The following ATRNL1 variants were observed in gnomAD, a reference collection of about 807,000 sequenced individuals.
ATRNL1 encodes the protein attractin-like protein 1.
Under a neutral mutation model 182.7 loss-of-function variants are expected in ATRNL1, and 95 were observed. That is an observed-to-expected ratio of 0.52 (90% CI 0.44 to 0.62). The LOEUF (loss-of-function observed/expected upper bound fraction) is 0.62, where lower values mean the gene tolerates loss of function less well. Ranked by LOEUF, ATRNL1 falls within the 20% of genes least tolerant of loss-of-function variation. The pLI is 0.00. For synonymous variants in ATRNL1, 576 were observed against 568.3 expected (o/e 1.01, Z -0.19); for missense variants, 1,471 against 1,679.5 (o/e 0.88, Z 2.17).
At chr10:115,885,183 G>A (rs557281958) in intron 28 of ATRNL1, among the ~76,000 whole-genome samples, 2 of 152,244 alleles carry the variant, frequency 1.3e-5, no homozygotes, top group South Asian at 4.1e-4. Context: ...TAAAATTTGT[G>A]TCTTATCAAA....
rs556456402 is a variant in ATRNL1, at chr10:115,498,559, T to C, written c.3655-20704T>C. 4.6e-5 allele frequency among the ~76,000 whole-genome samples: 7 copies of C among 152,174 alleles called. No homozygotes were observed. The East Asian group carries it at 1.4e-3, about 29-fold the overall frequency. ...TAATAAATCACCTTTGTAAGATTTTTCTTCTGGAAAGCACCTCACTGTTAC... is the reference window on the plus strand; with the variant it reads ...TAATAAATCACCTTTGTAAGATTTTCCTTCTGGAAAGCACCTCACTGTTAC... On this transcript the variant is annotated intron_variant, in intron 24 of 28. Transcript: ENST00000355044.
intron 26 of ATRNL1, among the ~76,000 whole-genome samples, chr10:115,604,273 C>A (rs1555016926): frequency 6.6e-6 from 1 of 152,014 alleles, no homozygotes; most frequent in African/African-American, 2.4e-5. Flanking sequence ...AGGTTTAATT[C>A]TTTTGAGGCT....
At chr10:115,721,207 A>G (rs558470750) in intron 26 of ATRNL1, among the ~76,000 whole-genome samples, 41 of 152,296 alleles carry the variant, frequency 2.7e-4, no homozygotes, top group South Asian at 2.3e-3. Flanking sequence ...TTATATAATC[A>G]GTGTTATCCA....
At chr10:115,926,723 C>A (rs1007595175) in intron 28 of ATRNL1, among the ~76,000 whole-genome samples, 1 of 152,076 alleles carries the variant, frequency 6.6e-6, no homozygotes, top group Admixed American at 6.6e-5. Context: ...GAAGTTGAAT[C>A]CCTGAATAGA....
chr10:115,335,839 A>T (rs756427652), intron 19 of ATRNL1, among the ~76,000 whole-genome samples: 8 of 149,674 alleles, frequency 5.3e-5, no homozygotes, highest in Non-Finnish European at 1.0e-4. Flanking sequence ...AATTTGGGGG[A>T]TTTTTTCTGA....
intron 26 of ATRNL1, among the ~76,000 whole-genome samples, chr10:115,723,070 A>G (rs528512501): frequency 5.3e-5 from 8 of 152,206 alleles, no homozygotes; most frequent in Admixed American, 4.6e-4. Flanking sequence ...TCAACTAAGT[A>G]TTGTGGGGAA....
intron 27 of ATRNL1, among the ~76,000 whole-genome samples, chr10:115,789,648 A>AT (rs1353746360): frequency 6.6e-6 from 1 of 152,040 alleles, no homozygotes; most frequent in African/African-American, 2.4e-5. Flanking sequence ...TGCCTTTGTC[A>AT]TTTTTTCCTA....
At chr10:115,712,777 A>C (rs1367718992) in intron 26 of ATRNL1, among the ~76,000 whole-genome samples, 1 of 151,956 alleles carries the variant, frequency 6.6e-6, no homozygotes, top group Non-Finnish European at 1.5e-5. Flanking sequence ...CTGAGGCACG[A>C]TGATCGCTTG....
In ATRNL1 at chr10:115,336,980, G is replaced by C. The variant is rs949530206; in HGVS notation, c.3175+2561G>C. Among the ~76,000 whole-genome samples the C allele has an allele frequency of 1.7e-3, 22 of 13,242 alleles. No individual in the cohort carries two copies. The East Asian group carries it at 0.093, about 56-fold the overall frequency. The allele number at this position is 13,242 out of a possible 152,430, so 8.7% of individuals were successfully genotyped here. ...CCTGCCTCAGCCTCCCAAGTAGCTG[G>C]GGGGGGGGGACTACAGGGGCCCGCC... On this transcript the variant is annotated intron_variant, in intron 19 of 28. Coordinates refer to ENST00000355044, the MANE Select transcript of ATRNL1 (RefSeq NM_207303.4).
chr10:115,801,679 G>C (rs781835198), intron 27 of ATRNL1, among the ~76,000 whole-genome samples: 1 of 152,088 alleles, frequency 6.6e-6, no homozygotes, highest in Non-Finnish European at 1.5e-5. Context: ...CTTTTTAGCT[G>C]TCTTTGTTAA....
At chr10:115,618,034 T>C (rs896834986) in intron 26 of ATRNL1, among the ~76,000 whole-genome samples, 4 of 151,944 alleles carry the variant, frequency 2.6e-5, no homozygotes, top group Non-Finnish European at 4.4e-5. Context: ...CCATCTCTCT[T>C]TCTCCTGTTT....
At chr10:115,759,492 G>A (rs1295823399) in intron 27 of ATRNL1, among the ~76,000 whole-genome samples, 1 of 152,092 alleles carries the variant, frequency 6.6e-6, no homozygotes, top group Admixed American at 6.6e-5. Context: ...CCCTGGGGGA[G>A]TGACCAGGGG....
rs1348696077 is a variant in ATRNL1 at position 115,800,937 on chromosome 10, A to C, written c.3904-46940A>C. 1.6e-4 allele frequency among the ~76,000 whole-genome samples: 25 copies of C among 152,252 alleles called. 1 individual carries two copies. The highest frequency in any genetic ancestry group is 1.6e-3 in the Admixed American group (25 of 15,290). Reference sequence around the variant, plus strand: ...GACACTGTGTTGTAGCAGTCAGAGCAGGTGAAAACTGTAACTTGTTATTCT... The same window carrying C: ...GACACTGTGTTGTAGCAGTCAGAGCCGGTGAAAACTGTAACTTGTTATTCT... On this transcript the variant is annotated intron_variant, in intron 27 of 28. Transcript: ENST00000355044.
intron 1 of ATRNL1, among the ~76,000 whole-genome samples, chr10:115,117,538 A>G (rs960096864): frequency 3.9e-5 from 6 of 152,060 alleles, no homozygotes; most frequent in African/African-American, 7.2e-5. Context: ...ACTGAATCAC[A>G]TTATTTTTAT....
intron 26 of ATRNL1, among the ~76,000 whole-genome samples, chr10:115,596,095 C>T (rs555333945): frequency 6.6e-6 from 1 of 152,148 alleles, no homozygotes; most frequent in African/African-American, 2.4e-5. Context: ...AAATGTGACG[C>T]CCAAATTATG....
intron 14 of ATRNL1, among the ~76,000 whole-genome samples, chr10:115,282,317 T>C (rs1852406076): frequency 6.6e-6 from 1 of 150,674 alleles, no homozygotes; most frequent in Admixed American, 6.6e-5. Flanking sequence ...TGCAGGTTAG[T>C]TACATATGTA....
chr10:115,205,782 T>A (rs1193929397), intron 8 of ATRNL1, among the ~76,000 whole-genome samples: 1 of 152,094 alleles, frequency 6.6e-6, no homozygotes, highest in African/African-American at 2.4e-5. Flanking sequence ...CTACCATTTC[T>A]TGTATATTTC....
chr10:115,240,500 C>T (rs1339346529), intron 9 of ATRNL1, among the ~76,000 whole-genome samples: 33 of 152,000 alleles, frequency 2.2e-4, no homozygotes, highest in Admixed American at 2.0e-3. Flanking sequence ...GTGATCCACC[C>T]GCCTTGGCCT....
chr10:115,162,729 C>T (rs576824191), intron 6 of ATRNL1, among the ~76,000 whole-genome samples: 1 of 149,636 alleles, frequency 6.7e-6, no homozygotes, highest in South Asian at 2.2e-4. Flanking sequence ...CCTGAGGCAC[C>T]ATATCACTAA....
Sources: gnomAD v4.1 joint callset for allele counts (sites outside exome capture counted in the v4.1 genomes callset) on GRCh38, gnomAD v4.1.1 for gene constraint, MANE v1.5 for transcripts, NCBI Gene and HGNC (gene_info 2026-07-23, HGNC 2026-07-21) for gene names.